Variants in STX8 observed in about 807,000 individuals in gnomAD.
The protein encoded by STX8 is syntaxin-8.
Under a neutral mutation model 37.5 loss-of-function variants are expected in STX8, and 23 were observed. The observed-to-expected ratio is 0.61, with a 90% confidence interval of 0.44 to 0.87. STX8 has a LOEUF of 0.87. Ranked by LOEUF, STX8 falls within the 40% of genes least tolerant of loss-of-function variation. The pLI is 0.00. For missense variants in STX8, 313 were observed against 284.7 expected (o/e 1.10, Z -0.71); for synonymous variants, 115 against 99.1 (o/e 1.16, Z -0.95).
At chr17:9,549,409 A>G (rs1462630611) in intron 3 of STX8, among the ~76,000 whole-genome samples, 1 of 152,220 alleles carries the variant, frequency 6.6e-6, no homozygotes, top group Non-Finnish European at 1.5e-5. Flanking sequence ...TAAAGATCCC[A>G]GTTCTCTTGT....
chr17:9,426,872 G>GA (rs1438249522), intron 6 of STX8, among the ~76,000 whole-genome samples: 1 of 151,950 alleles, frequency 6.6e-6, no homozygotes, highest in Non-Finnish European at 1.5e-5. Context: ...TCTTGTAAGA[G>GA]ACACACCTAG....
At chr17:9,382,391 A>C (rs1338594921) in intron 6 of STX8, among the ~76,000 whole-genome samples, 1 of 152,246 alleles carries the variant, frequency 6.6e-6, no homozygotes, top group Non-Finnish European at 1.5e-5. Flanking sequence ...TAAACAGACT[A>C]AACTTTTCAA....
intron 6 of STX8, among the ~76,000 whole-genome samples, chr17:9,410,567 C>T (rs928017793): frequency 6.6e-6 from 1 of 152,162 alleles, no homozygotes; most frequent in Non-Finnish European, 1.5e-5. Context: ...TGAAAAGCTA[C>T]GCATAGTGCA....
At chr17:9,387,444 G>A (rs1330337120) in intron 6 of STX8, among the ~76,000 whole-genome samples, 2 of 152,080 alleles carry the variant, frequency 1.3e-5, no homozygotes, top group African/African-American at 2.4e-5. Flanking sequence ...ACAGGCGCCC[G>A]CCACCACACC....
At chr17:9,316,557 G>A (rs1359616685) in intron 7 of STX8, among the ~76,000 whole-genome samples, 1 of 152,194 alleles carries the variant, frequency 6.6e-6, no homozygotes, top group Admixed American at 6.5e-5. Flanking sequence ...TGGCGGTACT[G>A]CGAGGGTGGC....
At chr17:9,436,342 A>C (rs540910289) in intron 6 of STX8, among the ~76,000 whole-genome samples, 1 of 137,326 alleles carries the variant, frequency 7.3e-6, no homozygotes, top group Admixed American at 7.2e-5. Flanking sequence ...GCAAGCCTCC[A>C]TCGCAAAAAA....
intron 7 of STX8, among the ~76,000 whole-genome samples, chr17:9,310,620 G>A (rs572052155): frequency 7.6e-4 from 115 of 152,272 alleles, no homozygotes; most frequent in Middle Eastern, 3.4e-3. Context: ...GGAGGAGAGT[G>A]GGACAGGATG....
rs538189722 is a variant in STX8 at position 9,361,852 on chromosome 17, T to C, written c.643+16700A>G. ...TATTTGAATTTCCATTTAGACAATATCCAAAGAAGATAATCCATGTGTGAT... is the reference window on the plus strand; with the variant it reads ...TATTTGAATTTCCATTTAGACAATACCCAAAGAAGATAATCCATGTGTGAT... On this transcript the variant is annotated intron_variant, in intron 7 of 7. Coordinates refer to ENST00000306357, the MANE Select transcript of STX8 (RefSeq NM_004853.3). Among the ~76,000 whole-genome samples, 3 of 152,228 alleles carry C rather than the reference T, an allele frequency of 2.0e-5. No homozygotes were observed. In the East Asian group the frequency reaches 5.8e-4, roughly 29 times the overall value.
At chr17:9,332,063 G>A (rs762465456) in intron 7 of STX8, among the ~76,000 whole-genome samples, 6 of 152,162 alleles carry the variant, frequency 3.9e-5, no homozygotes, top group Non-Finnish European at 7.3e-5. Context: ...CCACCAGGAA[G>A]GAGAATAATG....
At chr17:9,566,874 G>A (rs7222970) in intron 2 of STX8, among the ~76,000 whole-genome samples, 115,621 of 152,118 alleles carry the variant, frequency 0.76, 45,020 homozygotes, top group East Asian at 0.98. Context: ...GAATCAACCT[G>A]ATGCCCACCA....
intron 5 of STX8, among the ~76,000 whole-genome samples, chr17:9,495,557 AC>A (rs1478166671): frequency 9.2e-5 from 14 of 152,190 alleles, no homozygotes; most frequent in Admixed American, 9.2e-4. Flanking sequence ...TACACTAATT[AC>A]ACTCTTTAAT....
At chr17:9,574,283 A>AG (rs1907805407) in intron 1 of STX8, among the ~76,000 whole-genome samples, 1 of 151,272 alleles carries the variant, frequency 6.6e-6, no homozygotes, top group African/African-American at 2.4e-5. Flanking sequence ...TCAAAAAAAA[A>AG]AAAAAGAAGA....
At chr17:9,266,632 A>G (rs1907241048) in intron 7 of STX8, among the ~76,000 whole-genome samples, 1 of 152,068 alleles carries the variant, frequency 6.6e-6, no homozygotes, top group East Asian at 1.9e-4. Context: ...TGGGATCACT[A>G]GTGCCGCTTC....
intron 7 of STX8, among the ~76,000 whole-genome samples, chr17:9,290,326 T>C (rs74809239): frequency 0.012 from 1,820 of 152,176 alleles, 39 homozygotes; most frequent in African/African-American, 0.042. Context: ...TGTGTGTGGA[T>C]TGAGGGCAGG....
intron 7 of STX8, among the ~76,000 whole-genome samples, chr17:9,318,421 A>G (rs1360136148): frequency 6.6e-6 from 1 of 152,144 alleles, no homozygotes. Flanking sequence ...AAAATATTGT[A>G]CCCATAAAAA....
chr17:9,314,443 T>C (rs1317006425), intron 7 of STX8, among the ~76,000 whole-genome samples: 1 of 152,084 alleles, frequency 6.6e-6, no homozygotes, highest in Non-Finnish European at 1.5e-5. Context: ...TCTCTCCCAG[T>C]CTGGAGTGCA....
At chr17:9,537,853 A>G (rs958191149) in intron 4 of STX8, among the ~76,000 whole-genome samples, 4 of 152,210 alleles carry the variant, frequency 2.6e-5, no homozygotes, top group African/African-American at 9.6e-5. Context: ...TATGCTCTCA[A>G]AATACAATCT....
chr17:9,287,261 G>A (rs999183147), intron 7 of STX8, among the ~76,000 whole-genome samples: 3 of 152,118 alleles, frequency 2.0e-5, no homozygotes, highest in Admixed American at 1.3e-4. Flanking sequence ...AGGTTCTCCT[G>A]CAGGTGAGGC....
At chr17:9,443,669 C>G (rs1253169228) in intron 6 of STX8, among the ~76,000 whole-genome samples, 1 of 152,182 alleles carries the variant, frequency 6.6e-6, no homozygotes, top group African/African-American at 2.4e-5. Context: ...TTCCAGAGTT[C>G]TCTTCTTCCT....
Sources: allele counts gnomAD v4.1 joint callset (sites outside exome capture counted in the v4.1 genomes callset), GRCh38; gene constraint gnomAD v4.1.1; transcripts MANE v1.5; gene names NCBI Gene and HGNC (gene_info 2026-07-23, HGNC 2026-07-21).